Variants in PRMT8 observed in about 807,000 individuals in gnomAD.
PRMT8 encodes protein arginine methyltransferase 8.
A neutral mutation model predicts 47.1 loss-of-function variants in PRMT8; 7 were observed. The ratio of observed to expected loss-of-function variants is 0.15; its 90% CI spans 0.08 to 0.28. PRMT8 has a LOEUF of 0.28. PRMT8 is among the 10% of genes least tolerant of loss of function. The pLI is 1.00. For missense variants in PRMT8, 237 were observed against 505.4 expected (o/e 0.47, Z 5.09); for synonymous variants, 188 against 186.5 (o/e 1.01, Z -0.07).
chr12:3,453,721 C>T lies in PRMT8; in HGVS notation c.48+72279C>T, dbSNP rs933283949. Among the ~76,000 whole-genome samples, 4 of 152,190 alleles carry T rather than the reference C, an allele frequency of 2.6e-5. No homozygotes were observed. Among genetic ancestry groups the T allele is most frequent in the African/African-American group, 7.2e-5 (3 of 41,438 alleles). On this transcript the variant is annotated intron_variant, in intron 1 of 9. Transcript: ENST00000452611. The surrounding 1 kb of genome is among the most constrained non-coding windows in gnomAD (Gnocchi z 4.9). ...GCTGTCTCCTCGTCTGTTCTGCCCA[C>T]ACATCTCCTGCGGCACCCTGTGGTC...
chr12:3,427,208 T>G (rs1205716276), intron 1 of PRMT8, among the ~76,000 whole-genome samples: 2 of 152,236 alleles, frequency 1.3e-5, no homozygotes, highest in Non-Finnish European at 2.9e-5. Context: ...TATATTAGTG[T>G]GTTATTAATG....
In PRMT8 at chr12:3,566,191, A is replaced by G. The variant is rs926568606; in HGVS notation, c.482-2515A>G. Among the ~76,000 whole-genome samples the G allele has an allele frequency of 6.6e-6, 1 of 152,230 alleles. No individual in the cohort carries two copies. The highest frequency in any genetic ancestry group is 2.1e-4 in the South Asian group (1 of 4,826). ...ATGATTAGGCAGGTGAGTCATGCAT[A>G]TATTTGTCAGTTCTCTTTCAAAATA... On this transcript the variant is annotated intron_variant, in intron 4 of 9. Coordinates refer to ENST00000382622, the MANE Select transcript of PRMT8 (RefSeq NM_019854.5). The surrounding 1 kb of genome is among the most constrained non-coding windows in gnomAD (Gnocchi z 4.7).
rs186676230 is a variant in PRMT8 at position 3,569,879 on chromosome 12, A to G, written c.712+315A>G. Among the ~76,000 whole-genome samples, 188 of 152,352 alleles carry G rather than the reference A, an allele frequency of 1.2e-3. No homozygotes were observed. The highest frequency in any genetic ancestry group is 4.4e-3 in the African/African-American group (182 of 41,584). ...AGTTTTTGCAGAGATCAGCAGGGCAAGTGGCTTGAAACCTGTCAAGGTTCA... is the reference window on the plus strand; with the variant it reads ...AGTTTTTGCAGAGATCAGCAGGGCAGGTGGCTTGAAACCTGTCAAGGTTCA... On this transcript the variant is annotated intron_variant, in intron 6 of 9. Transcript: ENST00000382622. This position sits in a 1 kb window ranked among gnomAD's most constrained non-coding sequence, Gnocchi z 8.2.
At chr12:3,574,791 C>A (rs984132163) in intron 6 of PRMT8, among the ~76,000 whole-genome samples, 2 of 152,212 alleles carry the variant, frequency 1.3e-5, no homozygotes, top group Admixed American at 6.5e-5. Flanking sequence ...ACTCCAAAGC[C>A]TAGGCCTTTA....
At chr12:3,565,749 C>T (rs993486688) in intron 4 of PRMT8, among the ~76,000 whole-genome samples, 4 of 152,128 alleles carry the variant, frequency 2.6e-5, no homozygotes, top group African/African-American at 7.2e-5. Context: ...GAGGTTACAG[C>T]AACTAATTGA....
intron 1 of PRMT8, among the ~76,000 whole-genome samples, chr12:3,455,322 G>A (rs1864962797): frequency 6.6e-6 from 1 of 152,192 alleles, no homozygotes; most frequent in African/African-American, 2.4e-5. Flanking sequence ...GCTGCAGATT[G>A]GAAGTGGAGG....
chr12:3,441,655 C>G (rs1864803862), intron 1 of PRMT8, among the ~76,000 whole-genome samples: 2 of 152,242 alleles, frequency 1.3e-5, no homozygotes, highest in South Asian at 4.1e-4. Flanking sequence ...CTGGCCATCC[C>G]TGAGGAGTCA....
At chr12:3,475,882 G>A (rs185343585) in intron 1 of PRMT8, among the ~76,000 whole-genome samples, 2 of 152,334 alleles carry the variant, frequency 1.3e-5, no homozygotes, top group Non-Finnish European at 2.9e-5. Flanking sequence ...TGATGTATGT[G>A]GAGAAGGGTC....
intron 1 of PRMT8, among the ~76,000 whole-genome samples, chr12:3,521,503 G>A (rs1192755583): frequency 6.6e-6 from 1 of 152,154 alleles, no homozygotes; most frequent in African/African-American, 2.4e-5. Flanking sequence ...GAACCCGGAA[G>A]GTAGAGGTTG....
chr12:3,389,782 C>T (rs1035484443), intron 1 of PRMT8, among the ~76,000 whole-genome samples: 4 of 152,208 alleles, frequency 2.6e-5, no homozygotes, highest in African/African-American at 9.6e-5. Context: ...TCAGAACACT[C>T]CTGGAATTCC....
chr12:3,518,992 GA>G (rs149999909), intron 1 of PRMT8, among the ~76,000 whole-genome samples: 3,901 of 152,236 alleles, frequency 0.026, 166 homozygotes, highest in African/African-American at 0.088. Context: ...TGTAAGAAGA[GA>G]AAAAAAGTTT....
At chr12:3,525,581 A>G (rs1016588807) in intron 1 of PRMT8, among the ~76,000 whole-genome samples, 9 of 152,186 alleles carry the variant, frequency 5.9e-5, no homozygotes, top group Admixed American at 2.6e-4. Context: ...TCTCTTTCCC[A>G]TCATTATTGG....
intron 1 of PRMT8, among the ~76,000 whole-genome samples, chr12:3,529,939 G>GA (rs931447056): frequency 1.3e-5 from 2 of 152,150 alleles, no homozygotes; most frequent in African/African-American, 4.8e-5. Context: ...GAGATGGTTG[G>GA]AAAATGTCTA....
At position 3,397,197 on chromosome 12, in the gene PRMT8, CCTT is replaced by C. The variant is rs1319067039; in HGVS notation, c.48+15761_48+15763del. 3.7e-3 allele frequency among the ~76,000 whole-genome samples: 570 copies of C among 152,024 alleles called. 6 individuals are homozygous for C. Among genetic ancestry groups the C allele is most frequent in the African/African-American group, 0.012 (518 of 41,552 alleles). ...CTTGGAGTAATTTGATCGTCTGAAG[CCTT>C]CTTCTCAGCTCGTCAAAGTCATTCT... On this transcript the variant is annotated intron_variant, in intron 1 of 9. Coordinates refer to the PRMT8 transcript ENST00000452611.
chr12:3,454,842 A>G (rs1167651963), intron 1 of PRMT8, among the ~76,000 whole-genome samples: 1 of 152,180 alleles, frequency 6.6e-6, no homozygotes, highest in Non-Finnish European at 1.5e-5. Context: ...TCCTACAGAT[A>G]ACAACTGGAG....
rs550176102 is a variant in PRMT8, at chr12:3,563,630, A to C, written c.482-5076A>C. ...CATCCCAAGCAGTTGCTCCATGTCC[A>C]CAAGAATCCCAGGTGGTAGGGAGGT... On this transcript the variant is annotated intron_variant, in intron 4 of 9. Coordinates refer to ENST00000382622, the MANE Select transcript of PRMT8 (RefSeq NM_019854.5). Among the ~76,000 whole-genome samples, 3 of 152,222 alleles carry C rather than the reference A, an allele frequency of 2.0e-5. No homozygotes were observed. The South Asian group carries it at 6.2e-4, about 32-fold the overall frequency.
chr12:3,593,339 C>A lies in PRMT8; in HGVS notation c.*157C>A. 1.6e-6 allele frequency: 1 copy of A among 631,320 alleles called. No individual in the cohort carries two copies. Among genetic ancestry groups the A allele is most frequent in the Non-Finnish European group, 2.7e-6 (1 of 367,828 alleles). The allele number at this position is 631,320 out of a possible 1,614,324, so 39.1% of individuals were successfully genotyped here. A position where few individuals can be genotyped will look rare whatever the true frequency, so the allele number is the denominator to read the frequency against. ...GTGAACTCCCCAGGGCTCCCGTGGG[C>A]TCTGCCACTGGACAGAAGGCCTCCA... On this transcript the variant is annotated 3_prime_UTR_variant, in exon 10 of 10. Coordinates refer to ENST00000382622, the MANE Select transcript of PRMT8 (RefSeq NM_019854.5). The surrounding 1 kb of genome is among the most constrained non-coding windows in gnomAD (Gnocchi z 4.8).
chr12:3,547,682 T>G (rs1368491175), intron 2 of PRMT8, among the ~76,000 whole-genome samples: 5 of 152,170 alleles, frequency 3.3e-5, no homozygotes, highest in Admixed American at 3.3e-4. Context: ...TAAATTTTTT[T>G]GAAAAACTAA....
intron 4 of PRMT8, among the ~76,000 whole-genome samples, chr12:3,562,054 A>G (rs898813337): frequency 6.6e-6 from 1 of 152,220 alleles, no homozygotes; most frequent in Non-Finnish European, 1.5e-5. Context: ...CAGGGCTTCT[A>G]TCTCCTGGAG....
Sources: allele counts gnomAD v4.1 joint callset (sites outside exome capture counted in the v4.1 genomes callset), GRCh38; gene constraint gnomAD v4.1.1; non-coding constraint Gnocchi (gnomAD v3.1); transcripts MANE v1.5; gene names NCBI Gene and HGNC (gene_info 2026-07-23, HGNC 2026-07-21).